NEGR1: variants seen among roughly 807,000 people sequenced by gnomAD.
NEGR1 encodes IgLON family member 4.
A neutral mutation model predicts 40.9 loss-of-function variants in NEGR1; 10 were observed. The observed-to-expected ratio is 0.24, with a 90% CI of 0.15 to 0.42. The LOEUF (loss-of-function observed/expected upper bound fraction) is 0.42, where lower values mean the gene tolerates loss of function less well. Among genes scored for constraint, NEGR1 ranks in the 10% least tolerant of loss-of-function variants. The pLI is 1.00. For synonymous variants in NEGR1, 185 were observed against 166.8 expected, an observed-to-expected ratio of 1.11 and a Z score of -0.84; for missense variants, 352 against 438.9, an observed-to-expected ratio of 0.80 and a Z score of 1.77.
chr1:71,730,592 T>TATATATAA (rs1285440400), intron 3 of NEGR1, among the ~76,000 whole-genome samples: 1 of 146,640 alleles, frequency 6.8e-6, no homozygotes, highest in Admixed American at 6.8e-5. Context: ...TATATATATA[T>TATATATAA]AAATTTGAAA....
intron 4 of NEGR1, among the ~76,000 whole-genome samples, chr1:71,651,475 T>C (rs1651715885): frequency 1.3e-5 from 2 of 152,198 alleles, no homozygotes; most frequent in Non-Finnish European, 2.9e-5. Flanking sequence ...ATTGAGTTAC[T>C]GCTCATTGCA....
intron 1 of NEGR1, chr1:72,275,234 T>C: frequency 5.1e-6 from 3 of 585,666 alleles, no homozygotes; most frequent in Admixed American, 3.0e-5. Flanking sequence ...CTATTATTTA[T>C]TCATAATGAT....
rs912724531 is a variant in NEGR1 at position 72,209,126 on chromosome 1, A to AT, written c.176+73192dup. Among the ~76,000 whole-genome samples, 3 of 151,342 alleles carry AT rather than the reference A, an allele frequency of 2.0e-5. No individual in the cohort carries two copies. In the Admixed American group the frequency reaches 2.0e-4, roughly 10 times the overall value. On this transcript the variant is annotated intron_variant, in intron 1 of 6. Coordinates refer to ENST00000357731, the MANE Select transcript of NEGR1 (RefSeq NM_173808.3). ...TCCTTTTCAACACCAAGAGATTTAG[A>AT]TTTTTTTTCTTATTATTAAACTCTT... is the stretch of plus-strand genomic sequence containing the variant.
intron 2 of NEGR1, among the ~76,000 whole-genome samples, chr1:71,779,599 G>A (rs1299405700): frequency 2.0e-5 from 3 of 150,826 alleles, no homozygotes; most frequent in Non-Finnish European, 4.4e-5. Context: ...AGAGTCTCTC[G>A]CTCTGTCTCC....
At chr1:71,927,928 G>C (rs1013842075) in intron 2 of NEGR1, among the ~76,000 whole-genome samples, 1 of 147,080 alleles carries the variant, frequency 6.8e-6, no homozygotes, top group Non-Finnish European at 1.5e-5. Flanking sequence ...AGGCCAGGGA[G>C]GTTGAGGCTG....
At chr1:72,064,507 A>G (rs1035593497) in intron 1 of NEGR1, among the ~76,000 whole-genome samples, 1 of 152,076 alleles carries the variant, frequency 6.6e-6, no homozygotes, top group African/African-American at 2.4e-5. Flanking sequence ...ATCAGAACAC[A>G]GTGGCCCTGA....
At chr1:71,746,332 G>A (rs1317483774) in intron 3 of NEGR1, among the ~76,000 whole-genome samples, 1 of 152,156 alleles carries the variant, frequency 6.6e-6, no homozygotes, top group Admixed American at 6.5e-5. Flanking sequence ...GCTGCAAGAG[G>A]CAAGAGTTCA....
At position 71,834,252 on chromosome 1, in the gene NEGR1, T is replaced by A. The variant is rs576279152; in HGVS notation, c.410-57955A>T. ...CTGGTATGATGGTTATTTTTACCTG[T>A]CAAGTTCACTGGGCCATGGGGTCCC... On this transcript the variant is annotated intron_variant, in intron 2 of 6. Coordinates refer to ENST00000357731, the MANE Select transcript of NEGR1 (RefSeq NM_173808.3). Among the ~76,000 whole-genome samples the A allele has an allele frequency of 2.6e-5, 4 of 152,232 alleles. No homozygotes were observed. The South Asian group carries it at 8.3e-4, about 32-fold the overall frequency.
chr1:71,643,059 A>G (rs1280484119), intron 4 of NEGR1, among the ~76,000 whole-genome samples: 1 of 151,988 alleles, frequency 6.6e-6, no homozygotes, highest in East Asian at 1.9e-4. Flanking sequence ...AATCCCTTCA[A>G]ATAGACAGAG....
chr1:71,691,902 G>T (rs1264633988), intron 4 of NEGR1, among the ~76,000 whole-genome samples: 1 of 149,234 alleles, frequency 6.7e-6, no homozygotes, highest in Non-Finnish European at 1.5e-5. Context: ...GAAATCTGTT[G>T]AATTCAATTT....
At chr1:71,776,487 T>C (rs576754280) in intron 2 of NEGR1, among the ~76,000 whole-genome samples, 190 bp from the exon 3 acceptor site, 191 of 152,276 alleles carry the variant, frequency 1.3e-3, no homozygotes, top group African/African-American at 4.2e-3. Context: ...TAGTTTTTTT[T>C]CCCCTAATTT....
rs1646240977 is a variant in NEGR1, at chr1:71,400,659, T to A, written c.*6787A>T. 6.6e-6 allele frequency: 1 copy of A among 152,108 alleles called. No individual in the cohort carries two copies. Among genetic ancestry groups the A allele is most frequent in the Admixed American group, 6.6e-5 (1 of 15,260 alleles). 9.4% of individuals were successfully genotyped at this position (152,108 alleles called of 1,614,324 possible). ...GATAGATAGGTTACTTGGGTTTTTT[T>A]TTTTTTGGGTCATTAAAGTAGGCAT... On this transcript the variant is annotated 3_prime_UTR_variant, in exon 7 of 7. Coordinates refer to ENST00000357731, the MANE Select transcript of NEGR1 (RefSeq NM_173808.3).
chr1:71,723,641 T>G (rs1432711592), intron 3 of NEGR1, among the ~76,000 whole-genome samples: 2 of 152,074 alleles, frequency 1.3e-5, no homozygotes, highest in Non-Finnish European at 2.9e-5. Context: ...CCTCACCCTA[T>G]GTACCCCATC....
intron 1 of NEGR1, among the ~76,000 whole-genome samples, chr1:72,051,531 GA>G (rs1314136038): frequency 6.6e-6 from 1 of 151,248 alleles, no homozygotes; most frequent in Non-Finnish European, 1.5e-5. Context: ...TTGTTGCATC[GA>G]AAAAAATTTC....
chr1:71,713,441 T>C (rs947845767), intron 3 of NEGR1, among the ~76,000 whole-genome samples: 2 of 152,228 alleles, frequency 1.3e-5, no homozygotes, highest in African/African-American at 4.8e-5. Flanking sequence ...AAGGGAAATA[T>C]ACTTTTGATG....
At chr1:71,957,332 T>C (rs1646127419) in intron 1 of NEGR1, among the ~76,000 whole-genome samples, 1 of 152,142 alleles carries the variant, frequency 6.6e-6, no homozygotes, top group Non-Finnish European at 1.5e-5. Context: ...AGATATTTGC[T>C]TCTATTCAGG....
intron 6 of NEGR1, among the ~76,000 whole-genome samples, chr1:71,413,291 T>C (rs1443580995): frequency 6.6e-6 from 1 of 152,172 alleles, no homozygotes. Context: ...GCAAATTCAG[T>C]GTGTGCTATG....
At chr1:71,554,714 G>A (rs995776356) in intron 6 of NEGR1, among the ~76,000 whole-genome samples, 1 of 151,360 alleles carries the variant, frequency 6.6e-6, no homozygotes, top group East Asian at 2.0e-4. Context: ...AAAAACTGGA[G>A]GTCTAATTTA....
intron 4 of NEGR1, among the ~76,000 whole-genome samples, chr1:71,634,519 A>G (rs1316384857): frequency 3.3e-5 from 5 of 152,156 alleles, no homozygotes; most frequent in African/African-American, 1.2e-4. Flanking sequence ...CCAAGGCTGC[A>G]GGATGGAAAG....
Sources: allele counts gnomAD v4.1 joint callset (sites outside exome capture counted in the v4.1 genomes callset), GRCh38; gene constraint gnomAD v4.1.1; transcripts MANE v1.5; gene names NCBI Gene and HGNC (gene_info 2026-07-23, HGNC 2026-07-21).